IQSEC1: variants seen among roughly 807,000 people sequenced by gnomAD.
The protein encoded by IQSEC1 is IQ motif and Sec7 domain ArfGEF 1, also known as IQ motif and SEC7 domain-containing protein 1.
Under a neutral mutation model 91.0 loss-of-function variants are expected in IQSEC1, and 31 were observed. The observed-to-expected ratio is 0.34, with a 90% confidence interval of 0.26 to 0.46. IQSEC1 has a LOEUF of 0.46. IQSEC1 is among the 20% of genes least tolerant of loss of function. The probability of loss-of-function intolerance (pLI) is 1.00; values close to 1 mark genes in which losing one functional copy is unlikely to be tolerated. For synonymous variants in IQSEC1, 699 were observed against 662.6 expected, an observed-to-expected ratio of 1.05 and a Z score of -0.84; for missense variants, 1,388 against 1,575.6, an observed-to-expected ratio of 0.88 and a Z score of 2.02.
chr3:13,210,918 C>T (rs771026932), intron 1 of IQSEC1, among the ~76,000 whole-genome samples: 1 of 152,170 alleles, frequency 6.6e-6, no homozygotes, highest in East Asian at 1.9e-4. Flanking sequence ...TCCGGGAGGC[C>T]GAGTGGGAGG....
intron 3 of IQSEC1, among the ~76,000 whole-genome samples, chr3:12,933,648 G>C (rs555659609): frequency 6.6e-6 from 1 of 152,218 alleles, no homozygotes; most frequent in Admixed American, 6.5e-5. Flanking sequence ...CAAGGACATA[G>C]AGATACGATG....
intron 2 of IQSEC1, among the ~76,000 whole-genome samples, chr3:13,131,622 G>A (rs931637818): frequency 6.6e-6 from 1 of 151,826 alleles, no homozygotes; most frequent in African/African-American, 2.4e-5. Flanking sequence ...AAGTAGCTGG[G>A]ATCACAGGTG....
At chr3:13,051,442 C>G (rs1266982068) in intron 1 of IQSEC1, among the ~76,000 whole-genome samples, 1 of 152,044 alleles carries the variant, frequency 6.6e-6, no homozygotes, top group Non-Finnish European at 1.5e-5. Flanking sequence ...GAGAGCAGCC[C>G]CAGGGAATGG....
chr3:13,158,953 C>T (rs1460750996), intron 2 of IQSEC1, among the ~76,000 whole-genome samples: 2 of 150,762 alleles, frequency 1.3e-5, no homozygotes, highest in East Asian at 3.9e-4. Flanking sequence ...CAGAGTAGGA[C>T]TCGGTCTCAA....
At chr3:13,273,355 C>T (rs1695619980) in intron 1 of IQSEC1, among the ~76,000 whole-genome samples, 1 of 152,170 alleles carries the variant, frequency 6.6e-6, no homozygotes, top group Admixed American at 6.5e-5. Flanking sequence ...AGGGGAGTGG[C>T]CTGGGTGTGG....
At chr3:13,221,864 G>C (rs1694666522) in intron 1 of IQSEC1, among the ~76,000 whole-genome samples, 2 of 152,238 alleles carry the variant, frequency 1.3e-5, no homozygotes, top group African/African-American at 4.8e-5. Flanking sequence ...GGCCTGATCT[G>C]GAAATTTAGT....
In IQSEC1 at chr3:12,924,992, G is replaced by C. The variant is rs1696984998; in HGVS notation, c.1569-250C>G. Among the ~76,000 whole-genome samples, 1 of 152,202 alleles carries C rather than the reference G, an allele frequency of 6.6e-6. No homozygotes were observed. Among genetic ancestry groups the C allele is most frequent in the Non-Finnish European group, 1.5e-5 (1 of 68,036 alleles). ...CCTGTCCCAAAACCCAAATATGGGG[G>C]ACCTGGTACAAACACCTTCACCTAG... is the stretch of plus-strand genomic sequence containing the variant. On this transcript the variant is annotated intron_variant, in intron 3 of 13. Coordinates refer to ENST00000613206, the MANE Select transcript of IQSEC1 (RefSeq NM_001134382.3). The surrounding 1 kb of genome is among the most constrained non-coding windows in gnomAD (Gnocchi z 6.3).
chr3:13,261,753 C>T (rs1003345178), intron 1 of IQSEC1, among the ~76,000 whole-genome samples: 1 of 152,130 alleles, frequency 6.6e-6, no homozygotes, highest in African/African-American at 2.4e-5. Context: ...ACAACATACC[C>T]GTGAAATTCA....
intron 1 of IQSEC1, among the ~76,000 whole-genome samples, chr3:13,204,799 T>G (rs977071380): frequency 6.7e-6 from 1 of 148,670 alleles, no homozygotes; most frequent in Admixed American, 6.7e-5. Flanking sequence ...CTTTCTATCT[T>G]TCTTTCTTTT....
At chr3:13,202,502 G>C (rs1431111796) in intron 1 of IQSEC1, among the ~76,000 whole-genome samples, 1 of 152,274 alleles carries the variant, frequency 6.6e-6, no homozygotes, top group East Asian at 1.9e-4. Flanking sequence ...CCTTGAGGAC[G>C]TTACTCTAGG....
chr3:13,166,801 T>C (rs1693505602), intron 1 of IQSEC1, among the ~76,000 whole-genome samples: 1 of 152,180 alleles, frequency 6.6e-6, no homozygotes, highest in African/African-American at 2.4e-5. Flanking sequence ...CTGTAGGAAG[T>C]GTCTGCTGTG....
chr3:12,965,857 G>A (rs1009312582), intron 1 of IQSEC1, among the ~76,000 whole-genome samples: 5 of 152,166 alleles, frequency 3.3e-5, no homozygotes, highest in Non-Finnish European at 7.4e-5. Flanking sequence ...ATGGTTTCTT[G>A]TTCCCCACTA....
chr3:12,939,788 A>G (rs1489031617), intron 2 of IQSEC1, among the ~76,000 whole-genome samples: 1 of 152,112 alleles, frequency 6.6e-6, no homozygotes, highest in Non-Finnish European at 1.5e-5. Flanking sequence ...ACCCAATGCT[A>G]TTGCCTCCCG....
chr3:13,227,481 A>G (rs1369927484), intron 1 of IQSEC1, among the ~76,000 whole-genome samples: 8 of 151,542 alleles, frequency 5.3e-5, no homozygotes, highest in Non-Finnish European at 7.4e-5. Flanking sequence ...TGGAGGGGCA[A>G]GAGGAAGTGC....
chr3:13,126,392 G>C (rs1324050265), intron 2 of IQSEC1, among the ~76,000 whole-genome samples: 2 of 152,210 alleles, frequency 1.3e-5, no homozygotes, highest in South Asian at 2.1e-4. Context: ...CCACTGTACG[G>C]ATGTCCTACC....
chr3:13,092,549 A>G (rs1705880994), intron 2 of IQSEC1, among the ~76,000 whole-genome samples: 1 of 152,012 alleles, frequency 6.6e-6, no homozygotes, highest in Non-Finnish European at 1.5e-5. Flanking sequence ...CAGAGACAGG[A>G]CCCTAAGGAC....
intron 1 of IQSEC1, among the ~76,000 whole-genome samples, chr3:13,225,812 T>A (rs1694743224): frequency 6.6e-6 from 1 of 152,204 alleles, no homozygotes; most frequent in African/African-American, 2.4e-5. Context: ...AAAGGTTTGA[T>A]GATCTTGCAC....
intron 1 of IQSEC1, among the ~76,000 whole-genome samples, chr3:13,185,910 G>T (rs1271494776): frequency 6.6e-6 from 1 of 152,230 alleles, no homozygotes; most frequent in African/African-American, 2.4e-5. Flanking sequence ...GGGCAGAACT[G>T]CTGCAGGGCA....
At chr3:13,071,144 T>G (rs78437928) in intron 1 of IQSEC1, among the ~76,000 whole-genome samples, 1 of 47,002 alleles carries the variant, frequency 2.1e-5, no homozygotes, top group East Asian at 1.2e-3. Context: ...ACCCACACAG[T>G]TTTTTTTTGT....
Sources: gnomAD v4.1 joint callset for allele counts (sites outside exome capture counted in the v4.1 genomes callset) on GRCh38, gnomAD v4.1.1 for gene constraint, Gnocchi (gnomAD v3.1) non-coding constraint, MANE v1.5 for transcripts, NCBI Gene and HGNC (gene_info 2026-07-23, HGNC 2026-07-21) for gene names.